ERBB4: variants seen among roughly 807,000 people sequenced by gnomAD.
The protein encoded by ERBB4 is receptor tyrosine-protein kinase erbB-4.
Under a neutral mutation model 158.0 loss-of-function variants are expected in ERBB4, and 42 were observed. The observed-to-expected ratio is 0.27, with a 90% CI of 0.21 to 0.34. The LOEUF is 0.34. Among genes scored for constraint, ERBB4 ranks in the 10% least tolerant of loss-of-function variants. The pLI is 1.00. For missense variants in ERBB4, 1,333 were observed against 1,624.1 expected, an observed-to-expected ratio of 0.82 and a Z score of 3.08; for synonymous variants, 583 against 558.7, an observed-to-expected ratio of 1.04 and a Z score of -0.61.
At position 212,249,459 on chromosome 2, in the gene ERBB4, A is replaced by G. The variant is rs999342135; in HGVS notation, c.83-124556T>C. On this transcript the variant is annotated intron_variant, in intron 1 of 27. Transcript: ENST00000342788. ...ATATAGAAAAGATAGGTTGAAACAT[A>G]CAATTAGCTAGAGGGAAAAGCAAGC... is the stretch of plus-strand genomic sequence containing the variant. Among the ~76,000 whole-genome samples the G allele has an allele frequency of 9.8e-5, 10 of 102,188 alleles. 1 individual carries two copies. The highest frequency in any genetic ancestry group is 3.6e-4 in the African/African-American group (10 of 27,702). The allele number at this position is 102,188 out of a possible 152,430, so 67.0% of individuals were successfully genotyped here.
At chr2:211,978,396 G>GTCTATCTATCTA (rs151243480) in intron 2 of ERBB4, among the ~76,000 whole-genome samples, 3,283 of 136,560 alleles carry the variant, frequency 0.024, 79 homozygotes, top group South Asian at 0.054. Context: ...CTGTCTGTCT[G>GTCTATCTATCTA]TCTATCTATC....
chr2:212,432,765 C>T (rs551902613), intron 1 of ERBB4, among the ~76,000 whole-genome samples: 2 of 152,218 alleles, frequency 1.3e-5, no homozygotes, highest in Admixed American at 1.3e-4. Context: ...GGTGAAAACT[C>T]TTTTAAAGAA....
intron 3 of ERBB4, among the ~76,000 whole-genome samples, chr2:211,923,390 A>C (rs2079924502): frequency 6.6e-6 from 1 of 152,194 alleles, no homozygotes; most frequent in Admixed American, 6.5e-5. Flanking sequence ...TTAAGATGAA[A>C]TTGAATGAAT....
chr2:212,019,974 T>G (rs2076612685), intron 2 of ERBB4, among the ~76,000 whole-genome samples: 2 of 151,990 alleles, frequency 1.3e-5, no homozygotes, highest in Non-Finnish European at 2.9e-5. Context: ...AAGGTAAATT[T>G]TATAATTATA....
At chr2:212,177,948 TTGTGAG>T (rs1307336587) in intron 1 of ERBB4, among the ~76,000 whole-genome samples, 1 of 117,252 alleles carries the variant, frequency 8.5e-6, no homozygotes. Context: ...TTGTGAGTGT[TTGTGAG>T]TGTGAGTGTG....
At chr2:211,773,133 A>G (rs61019468) in intron 4 of ERBB4, among the ~76,000 whole-genome samples, 21,820 of 149,710 alleles carry the variant, frequency 0.15, 1,800 homozygotes, top group South Asian at 0.33. Flanking sequence ...TGGGTCTTAA[A>G]AGCAGTTGAG....
chr2:211,889,695 A>C (rs1358841312), intron 3 of ERBB4, among the ~76,000 whole-genome samples: 12 of 146,066 alleles, frequency 8.2e-5, no homozygotes, highest in African/African-American at 2.9e-4. Context: ...AATAACCAAT[A>C]CAGAGAAGTG....
intron 1 of ERBB4, among the ~76,000 whole-genome samples, chr2:212,190,262 C>G (rs1038414694): frequency 6.6e-6 from 1 of 152,104 alleles, no homozygotes; most frequent in Non-Finnish European, 1.5e-5. Flanking sequence ...GGCAGCTGGG[C>G]GCGGTAGCTC....
chr2:211,706,601 C>CAAA (rs201615846), intron 9 of ERBB4, among the ~76,000 whole-genome samples: 14 of 94,492 alleles, frequency 1.5e-4, no homozygotes, highest in East Asian at 2.9e-4. Context: ...CTTAAAAAAA[C>CAAA]AAAAAAAAAA....
At chr2:211,521,812 C>T (rs12619559) in intron 20 of ERBB4, among the ~76,000 whole-genome samples, 44,375 of 151,940 alleles carry the variant, frequency 0.29, 7,524 homozygotes, top group East Asian at 0.62. Flanking sequence ...TTTACACTGC[C>T]TATGCTCTAT....
chr2:211,673,029 T>G (rs2071902072), intron 14 of ERBB4, 135 bp downstream of exon 14: 3 of 743,330 alleles, frequency 4.0e-6, no homozygotes, highest in Non-Finnish European at 7.2e-6. Flanking sequence ...TTAAGCCTCT[T>G]GTAGGCAGAT....
chr2:211,510,430 A>T (rs1261953156), intron 20 of ERBB4, among the ~76,000 whole-genome samples: 1 of 152,086 alleles, frequency 6.6e-6, no homozygotes, highest in Non-Finnish European at 1.5e-5. Flanking sequence ...TGATATATCC[A>T]TGTCACAAAC....
chr2:212,422,096 A>G lies in ERBB4; in HGVS notation c.82+116353T>C, dbSNP rs138332062. The stretch of plus-strand genomic sequence containing the variant: ...CCATTGAAAAGTATCCCAGATTTAG[A>G]ATCTTGTAATATGACTAAATAGCAG... On this transcript the variant is annotated intron_variant, in intron 1 of 27. Transcript: ENST00000342788. 2.9e-3 allele frequency among the ~76,000 whole-genome samples: 448 copies of G among 152,302 alleles called. 5 individuals are homozygous for G. Among genetic ancestry groups the G allele is most frequent in the African/African-American group, 0.01 (421 of 41,562 alleles).
At chr2:211,856,748 T>A (rs1382349327) in intron 3 of ERBB4, among the ~76,000 whole-genome samples, 2 of 152,164 alleles carry the variant, frequency 1.3e-5, no homozygotes, top group African/African-American at 2.4e-5. Context: ...ACAGTAAGGC[T>A]ATATTTCCAT....
intron 3 of ERBB4, among the ~76,000 whole-genome samples, chr2:211,889,340 T>G (rs1364542811): frequency 6.9e-6 from 1 of 145,732 alleles, no homozygotes; most frequent in Non-Finnish European, 1.5e-5. Context: ...CTGAGGGTCC[T>G]CTCTGTTAGA....
intron 2 of ERBB4, among the ~76,000 whole-genome samples, chr2:211,986,398 A>T (rs2081938683): frequency 6.6e-6 from 1 of 152,212 alleles, no homozygotes; most frequent in Non-Finnish European, 1.5e-5. Context: ...TTTACTCAAG[A>T]TCATATAGCT....
Position 211,798,880 on chromosome 2 carries a change from C to T in ERBB4, c.422-10721G>A, listed in dbSNP as rs199530773. 1.5e-4 allele frequency among the ~76,000 whole-genome samples: 23 copies of T among 152,258 alleles called. 1 individual carries two copies. The East Asian group carries it at 4.2e-3, about 28-fold the overall frequency. On this transcript the variant is annotated intron_variant, in intron 3 of 27. Coordinates refer to ENST00000342788, the MANE Select transcript of ERBB4 (RefSeq NM_005235.3). ...AAGAACAAGATCATAAATTCTATAA[C>T]TTACTATCTTTCCCACACTGAAGTA...
intron 1 of ERBB4, among the ~76,000 whole-genome samples, chr2:212,368,992 T>G (rs918632454): frequency 6.6e-6 from 1 of 152,114 alleles, no homozygotes; most frequent in African/African-American, 2.4e-5. Flanking sequence ...TGAATTAGAA[T>G]CTACCTTGTA....
intron 1 of ERBB4, among the ~76,000 whole-genome samples, chr2:212,197,353 A>C (rs1476081222): frequency 6.6e-6 from 1 of 152,198 alleles, no homozygotes; most frequent in Non-Finnish European, 1.5e-5. Flanking sequence ...TTTGGAGCCA[A>C]TTTAGAAGAA....
Sources: gnomAD v4.1 joint callset for allele counts (sites outside exome capture counted in the v4.1 genomes callset) on GRCh38, gnomAD v4.1.1 for gene constraint, MANE v1.5 for transcripts, NCBI Gene and HGNC (gene_info 2026-07-23, HGNC 2026-07-21) for gene names.